Variants in SEMA6D observed in about 807,000 individuals in gnomAD.
SEMA6D encodes the protein semaphorin-6D.
A neutral mutation model predicts 106.6 loss-of-function variants in SEMA6D; 35 were observed. The ratio of observed to expected loss-of-function variants is 0.33; its 90% CI spans 0.25 to 0.44. The LOEUF is 0.44. Ranked by LOEUF, SEMA6D falls within the 20% of genes least tolerant of loss-of-function variation. The pLI is 1.00. For synonymous variants in SEMA6D, 499 were observed against 487.7 expected, an observed-to-expected ratio of 1.02 and a Z score of -0.31; for missense variants, 1,185 against 1,345.9, an observed-to-expected ratio of 0.88 and a Z score of 1.87.
chr15:47,221,982 C>T (rs1292301810), intron 1 of SEMA6D, among the ~76,000 whole-genome samples: 1 of 152,062 alleles, frequency 6.6e-6, no homozygotes, highest in Non-Finnish European at 1.5e-5. Context: ...AAAGCTTCAT[C>T]ACTGATGCAC....
chr15:47,733,685 A>T (rs746983472), intron 1 of SEMA6D, among the ~76,000 whole-genome samples: 16 of 152,206 alleles, frequency 1.1e-4, no homozygotes, highest in Non-Finnish European at 2.2e-4. Flanking sequence ...GAAAGTTAGG[A>T]TAATATTTCT....
At position 47,237,156 on chromosome 15, in the gene SEMA6D, A is replaced by G. The variant is rs947210252; in HGVS notation, c.-239+52738A>G. Among the ~76,000 whole-genome samples, 36 of 152,192 alleles carry G rather than the reference A, an allele frequency of 2.4e-4. 1 individual carries two copies. The highest frequency in any genetic ancestry group is 8.4e-4 in the African/African-American group (35 of 41,464). ...AACTAGAAATAAGTCTAGCTGTGCT[A>G]TACAAAATCCTGGTCAAGTTCTCAC... On this transcript the variant is annotated intron_variant, in intron 1 of 19. Transcript: ENST00000558014.
chr15:47,367,739 A>AAG (rs1209847154), intron 1 of SEMA6D, among the ~76,000 whole-genome samples: 2 of 147,578 alleles, frequency 1.4e-5, no homozygotes, highest in Non-Finnish European at 3.0e-5. Flanking sequence ...GAGAGAGAGA[A>AAG]AGAGAGAGAG....
At chr15:47,560,401 G>C (rs1315497735) in intron 3 of SEMA6D, among the ~76,000 whole-genome samples, 3 of 151,958 alleles carry the variant, frequency 2.0e-5, no homozygotes, top group Non-Finnish European at 4.4e-5. Flanking sequence ...GAGAATTCTA[G>C]AGTTGAAAAG....
intron 3 of SEMA6D, among the ~76,000 whole-genome samples, chr15:47,560,868 T>A (rs1253406131): frequency 6.6e-6 from 1 of 151,922 alleles, no homozygotes; most frequent in African/African-American, 2.4e-5. Context: ...AGGCAAAGAT[T>A]GCCTCGGTCT....
chr15:47,410,953 A>G (rs2040774015), intron 1 of SEMA6D, among the ~76,000 whole-genome samples: 1 of 152,134 alleles, frequency 6.6e-6, no homozygotes, highest in Admixed American at 6.5e-5. Flanking sequence ...AATTTTTTCA[A>G]AGAAAATATT....
At chr15:47,324,500 A>T (rs151261333) in intron 1 of SEMA6D, among the ~76,000 whole-genome samples, 1,674 of 152,182 alleles carry the variant, frequency 0.011, 12 homozygotes, top group Non-Finnish European at 0.014. Flanking sequence ...CATAATTAAC[A>T]GCACTCCATA....
chr15:47,612,104 G>A (rs2076918095), intron 4 of SEMA6D, among the ~76,000 whole-genome samples: 1 of 152,156 alleles, frequency 6.6e-6, no homozygotes, highest in Non-Finnish European at 1.5e-5. Context: ...TGATTGGTAG[G>A]CATTGGAATG....
At chr15:47,369,253 G>C (rs1221274147) in intron 1 of SEMA6D, among the ~76,000 whole-genome samples, 3 of 152,148 alleles carry the variant, frequency 2.0e-5, no homozygotes, top group Non-Finnish European at 4.4e-5. Flanking sequence ...GCACTTTTCT[G>C]TATGTGTGTT....
intron 1 of SEMA6D, among the ~76,000 whole-genome samples, chr15:47,276,826 T>G (rs1480893505): frequency 6.6e-6 from 1 of 152,172 alleles, no homozygotes; most frequent in East Asian, 1.9e-4. Flanking sequence ...CCTTAGACAG[T>G]TATTCCTATG....
intron 1 of SEMA6D, among the ~76,000 whole-genome samples, chr15:47,236,243 A>C (rs2032531721): frequency 6.6e-6 from 1 of 152,042 alleles, no homozygotes; most frequent in East Asian, 1.9e-4. Flanking sequence ...ACATCTGGGA[A>C]TTGATTATCG....
chr15:47,212,800 G>A (rs1490985732), intron 1 of SEMA6D, among the ~76,000 whole-genome samples: 1 of 151,756 alleles, frequency 6.6e-6, no homozygotes, highest in African/African-American at 2.4e-5. Context: ...AGTGTGGCAT[G>A]AGGTGTCAGG....
intron 1 of SEMA6D, among the ~76,000 whole-genome samples, chr15:47,403,435 G>A (rs1200266897): frequency 6.6e-6 from 1 of 152,144 alleles, no homozygotes; most frequent in Non-Finnish European, 1.5e-5. Flanking sequence ...GTTCAATTTA[G>A]TGCGGGTCAA....
chr15:47,517,801 C>T (rs1399367070), intron 3 of SEMA6D, among the ~76,000 whole-genome samples: 4 of 152,160 alleles, frequency 2.6e-5, no homozygotes, highest in African/African-American at 9.7e-5. Context: ...CTGACTTCTA[C>T]CCTTAACAAG....
At chr15:47,643,450 C>T (rs1438344134) in intron 4 of SEMA6D, among the ~76,000 whole-genome samples, 2 of 152,174 alleles carry the variant, frequency 1.3e-5, no homozygotes, top group Non-Finnish European at 2.9e-5. Flanking sequence ...CTGTAGCATG[C>T]AACATGAGAG....
intron 1 of SEMA6D, among the ~76,000 whole-genome samples, chr15:47,198,378 G>T: frequency 6.6e-6 from 1 of 152,066 alleles, no homozygotes. Flanking sequence ...TGATTGGCTT[G>T]ATTATACCAT....
chr15:47,574,263 T>C (rs2076117186), intron 3 of SEMA6D, among the ~76,000 whole-genome samples: 1 of 152,200 alleles, frequency 6.6e-6, no homozygotes, highest in Admixed American at 6.5e-5. Flanking sequence ...AAGAACTTGT[T>C]GGATTTTGCA....
chr15:47,658,386 A>G (rs1371982487), intron 4 of SEMA6D, among the ~76,000 whole-genome samples: 1 of 152,088 alleles, frequency 6.6e-6, no homozygotes, highest in East Asian at 1.9e-4. Context: ...ATGGTAAGGG[A>G]TTTTTCAGCA....
At chr15:47,646,902 A>G (rs1204647257) in intron 4 of SEMA6D, among the ~76,000 whole-genome samples, 1 of 152,232 alleles carries the variant, frequency 6.6e-6, no homozygotes, top group Non-Finnish European at 1.5e-5. Context: ...AGACTAAAAA[A>G]GGTTGGCATT....
Sources: gnomAD v4.1 joint callset for allele counts (sites outside exome capture counted in the v4.1 genomes callset) on GRCh38, gnomAD v4.1.1 for gene constraint, MANE v1.5 for transcripts, NCBI Gene and HGNC (gene_info 2026-07-23, HGNC 2026-07-21) for gene names.